CDH18: variants seen among roughly 807,000 people sequenced by gnomAD.
The protein encoded by CDH18 is cadherin-18.
In CDH18, 31 loss-of-function variants were observed where a neutral mutation model predicts 67.9. The observed-to-expected ratio is 0.46, with a 90% confidence interval of 0.34 to 0.62. The LOEUF (loss-of-function observed/expected upper bound fraction) is 0.62, where lower values mean the gene tolerates loss of function less well. Among genes scored for constraint, CDH18 ranks in the 20% least tolerant of loss-of-function variants. CDH18 has a pLI of 0.01. For synonymous variants in CDH18, 362 were observed against 347.2 expected (o/e 1.04, Z -0.48); for missense variants, 890 against 975.5 (o/e 0.91, Z 1.17).
At chr5:20,394,355 A>C (rs1745112666) in intron 1 of CDH18, among the ~76,000 whole-genome samples, 1 of 152,114 alleles carries the variant, frequency 6.6e-6, no homozygotes, top group Non-Finnish European at 1.5e-5. Flanking sequence ...CTGGATAGTC[A>C]CATGTAGAAG....
At chr5:19,819,978 C>T (rs1779695320) in intron 3 of CDH18, among the ~76,000 whole-genome samples, 1 of 152,150 alleles carries the variant, frequency 6.6e-6, no homozygotes, top group South Asian at 2.1e-4. Context: ...GTTTGCCCCT[C>T]CCCAGTAGAG....
At chr5:20,291,037 T>A (rs2974595) in intron 1 of CDH18, among the ~76,000 whole-genome samples, 18,376 of 151,924 alleles carry the variant, frequency 0.12, 1,626 homozygotes, top group African/African-American at 0.24. Context: ...GTCTTAAATA[T>A]GAGAGTGATT....
intron 1 of CDH18, among the ~76,000 whole-genome samples, chr5:20,513,079 A>G (rs1404060693): frequency 6.6e-6 from 1 of 152,118 alleles, no homozygotes; most frequent in Non-Finnish European, 1.5e-5. Flanking sequence ...ATTTCTTCGT[A>G]TGTTTTTATA....
At chr5:20,200,281 A>G (rs1345826640) in intron 2 of CDH18, among the ~76,000 whole-genome samples, 1 of 152,226 alleles carries the variant, frequency 6.6e-6, no homozygotes, top group African/African-American at 2.4e-5. Context: ...GATTCAAATC[A>G]GCAATCAGAA....
At chr5:19,760,702 G>A (rs1176154421) in intron 3 of CDH18, among the ~76,000 whole-genome samples, 1 of 152,126 alleles carries the variant, frequency 6.6e-6, no homozygotes, top group African/African-American at 2.4e-5. Context: ...CAAGTGTGGT[G>A]CATGTCCTCA....
intron 1 of CDH18, among the ~76,000 whole-genome samples, chr5:20,346,991 T>G (rs1343922914): frequency 6.6e-6 from 1 of 152,162 alleles, no homozygotes; most frequent in Non-Finnish European, 1.5e-5. Context: ...TACTTCTTGT[T>G]GTTTTTATGT....
intron 11 of CDH18, among the ~76,000 whole-genome samples, chr5:19,486,448 T>C (rs971213666): frequency 1.3e-5 from 2 of 151,928 alleles, no homozygotes; most frequent in African/African-American, 4.8e-5. Flanking sequence ...AATTGCAAAA[T>C]TAGGCGACAA....
intron 9 of CDH18, among the ~76,000 whole-genome samples, chr5:19,537,674 T>TA (rs1486448362): frequency 2.6e-5 from 4 of 152,048 alleles, no homozygotes; most frequent in Non-Finnish European, 5.9e-5. Flanking sequence ...TTGTAGCCCC[T>TA]AAAAAATCTC....
intron 1 of CDH18, among the ~76,000 whole-genome samples, chr5:20,478,659 C>G (rs2150250993): frequency 6.6e-6 from 1 of 152,126 alleles, no homozygotes; most frequent in African/African-American, 2.4e-5. Flanking sequence ...CTAGAACCAG[C>G]CCTGGGTCAG....
chr5:20,018,608 G>T (rs568077812), intron 2 of CDH18, among the ~76,000 whole-genome samples: 8 of 152,186 alleles, frequency 5.3e-5, no homozygotes, highest in African/African-American at 1.7e-4. Context: ...ATGACTGCAT[G>T]ACTTTTATAG....
chr5:19,551,609 T>C (rs1271693805), intron 8 of CDH18, among the ~76,000 whole-genome samples: 1 of 152,154 alleles, frequency 6.6e-6, no homozygotes. Context: ...TAGGCCTTCA[T>C]AGAAAACAGC....
chr5:19,881,958 A>G (rs747738237), intron 2 of CDH18, among the ~76,000 whole-genome samples: 22 of 152,096 alleles, frequency 1.4e-4, no homozygotes, highest in Non-Finnish European at 2.4e-4. Flanking sequence ...ATTTTTTTAC[A>G]TGGAACTTCA....
chr5:19,683,996 G>A (rs532171181), intron 5 of CDH18, among the ~76,000 whole-genome samples: 1 of 152,214 alleles, frequency 6.6e-6, no homozygotes, highest in South Asian at 2.1e-4. Context: ...AAAGATTATT[G>A]AGCTGCTCTA....
intron 3 of CDH18, among the ~76,000 whole-genome samples, chr5:19,825,310 C>A (rs1445101908): frequency 6.6e-6 from 1 of 152,054 alleles, no homozygotes; most frequent in African/African-American, 2.4e-5. Flanking sequence ...CTTATATTTG[C>A]CAAGGGAAAC....
intron 1 of CDH18, among the ~76,000 whole-genome samples, chr5:20,515,307 T>TA (rs5866433): frequency 0.22 from 26,191 of 120,980 alleles, 2,637 homozygotes; most frequent in East Asian, 0.41. Flanking sequence ...AAGAGAGTAA[T>TA]AAAAAAAAAA....
intron 2 of CDH18, among the ~76,000 whole-genome samples, chr5:20,179,775 AT>A (rs1163594394): frequency 2.0e-5 from 3 of 152,094 alleles, no homozygotes; most frequent in African/African-American, 7.2e-5. Flanking sequence ...ATCAGGGCCC[AT>A]TTTTATCCCT....
chr5:20,177,768 C>T (rs1431978364), intron 2 of CDH18, among the ~76,000 whole-genome samples: 13 of 152,022 alleles, frequency 8.6e-5, no homozygotes, highest in Non-Finnish European at 1.9e-4. Context: ...CCATACTGAT[C>T]TCAGGGTAGT....
At chr5:20,344,393 C>T (rs1211695046) in intron 1 of CDH18, among the ~76,000 whole-genome samples, 2 of 152,138 alleles carry the variant, frequency 1.3e-5, no homozygotes, top group Non-Finnish European at 1.5e-5. Context: ...AGATAAGGGG[C>T]ATCCAGTATG....
chr5:20,403,767 C>T (rs559656604), intron 1 of CDH18, among the ~76,000 whole-genome samples: 19 of 152,240 alleles, frequency 1.2e-4, no homozygotes, highest in African/African-American at 4.6e-4. Flanking sequence ...GGCAAGTGAC[C>T]ATTGGCTTCA....
Sources: allele counts gnomAD v4.1 joint callset (sites outside exome capture counted in the v4.1 genomes callset), GRCh38; gene constraint gnomAD v4.1.1; transcripts MANE v1.5; gene names NCBI Gene and HGNC (gene_info 2026-07-23, HGNC 2026-07-21).